Variants in DENND5A observed in about 807,000 individuals in gnomAD.
The protein encoded by DENND5A is DENN domain containing 5A.
Under a neutral mutation model 140.3 loss-of-function variants are expected in DENND5A, and 64 were observed. That is an observed-to-expected ratio of 0.46 (90% CI 0.37 to 0.56). The LOEUF is 0.56. Ranked by LOEUF, DENND5A falls within the 20% of genes least tolerant of loss-of-function variation. The pLI is 0.00. For missense variants in DENND5A, 1,292 were observed against 1,593.8 expected (o/e 0.81, Z 3.22); for synonymous variants, 605 against 607.7 (o/e 1.00, Z 0.07).
intron 19 of DENND5A, 67 bp from the exon 20 acceptor site, chr11:9,143,552 G>A (rs1451140312): frequency 1.8e-5 from 24 of 1,322,422 alleles, no homozygotes; most frequent in Non-Finnish European, 1.6e-5. Flanking sequence ...TGCCTGAGCA[G>A]GAGACTGAGG....
intron 1 of DENND5A, among the ~76,000 whole-genome samples, chr11:9,257,941 T>A (rs1852022602): frequency 6.6e-6 from 1 of 151,794 alleles, no homozygotes; most frequent in South Asian, 2.1e-4. Flanking sequence ...TATAGGTGTG[T>A]GCCACCAGGC....
At chr11:9,149,320 G>C (rs1039498641) in intron 15 of DENND5A, among the ~76,000 whole-genome samples, 1 of 152,198 alleles carries the variant, frequency 6.6e-6, no homozygotes, top group African/African-American at 2.4e-5. Context: ...GTGCAGCTAA[G>C]CATACCTTTT....
chr11:9,229,276 C>A (rs1448476488), intron 1 of DENND5A, among the ~76,000 whole-genome samples: 2 of 152,024 alleles, frequency 1.3e-5, no homozygotes, highest in Non-Finnish European at 2.9e-5. Context: ...ATCACAGAGA[C>A]CTTGGCCAAG....
intron 5 of DENND5A, among the ~76,000 whole-genome samples, chr11:9,192,632 A>C (rs1849172886): frequency 7.1e-6 from 1 of 141,088 alleles, no homozygotes; most frequent in South Asian, 2.1e-4. Context: ...CGTCTCAAAA[A>C]AAAAACAAAA....
intron 5 of DENND5A, among the ~76,000 whole-genome samples, chr11:9,191,337 C>G (rs957861816): frequency 6.6e-6 from 1 of 152,058 alleles, no homozygotes; most frequent in Non-Finnish European, 1.5e-5. Flanking sequence ...CTCCGGGCTT[C>G]AACAATTCTC....
chr11:9,174,281 T>G (rs1190267267), intron 8 of DENND5A, among the ~76,000 whole-genome samples: 1 of 151,838 alleles, frequency 6.6e-6, no homozygotes, highest in East Asian at 1.9e-4. Context: ...GTACATGGTC[T>G]GAAGACCTCA....
At chr11:9,147,332 T>C (rs1399881103) in intron 15 of DENND5A, among the ~76,000 whole-genome samples, 181 bp from the exon 16 acceptor site, 2 of 152,128 alleles carry the variant, frequency 1.3e-5, no homozygotes, top group Non-Finnish European at 2.9e-5. Context: ...GGACAACGGT[T>C]TAAGCTACAG....
At chr11:9,145,868 A>G in intron 16 of DENND5A, 53 bp from the exon 17 acceptor site, 3 of 1,577,064 alleles carry the variant, frequency 1.9e-6, no homozygotes, top group Non-Finnish European at 1.7e-6. Context: ...TCTTTCCCAT[A>G]CCAGATGGGA....
chr11:9,245,501 G>C (rs984591240), intron 1 of DENND5A: 1 of 151,768 alleles, frequency 6.6e-6, no homozygotes, highest in Admixed American at 6.6e-5. Context: ...TGAGGCAGGA[G>C]AATTGCTTGA....
chr11:9,174,779 T>A (rs1439288877), intron 8 of DENND5A, among the ~76,000 whole-genome samples: 2 of 111,192 alleles, frequency 1.8e-5, no homozygotes, highest in Non-Finnish European at 4.2e-5. Flanking sequence ...ATTACCTTGA[T>A]AGATACAGAA....
intron 5 of DENND5A, among the ~76,000 whole-genome samples, chr11:9,186,780 A>G (rs943633727): frequency 3.3e-5 from 5 of 152,170 alleles, no homozygotes; most frequent in Non-Finnish European, 7.3e-5. Context: ...AATATACCCT[A>G]GAGACTGAGT....
At chr11:9,223,212 G>A (rs1850387857) in intron 1 of DENND5A, among the ~76,000 whole-genome samples, 1 of 151,608 alleles carries the variant, frequency 6.6e-6, no homozygotes, top group South Asian at 2.1e-4. Flanking sequence ...AACATAGCAA[G>A]ACATCATCTT....
chr11:9,162,704 C>T (rs1848028743), intron 11 of DENND5A, among the ~76,000 whole-genome samples: 2 of 151,860 alleles, frequency 1.3e-5, no homozygotes, highest in Non-Finnish European at 2.9e-5. Context: ...GTTTGGTTTG[C>T]CTGTATGTAT....
chr11:9,166,821 G>A (rs2136150980), intron 10 of DENND5A, among the ~76,000 whole-genome samples: 1 of 151,666 alleles, frequency 6.6e-6, no homozygotes, highest in East Asian at 1.9e-4. Context: ...GACAGAGCGA[G>A]ACTCCATCAC....
intron 5 of DENND5A, among the ~76,000 whole-genome samples, chr11:9,189,903 G>C (rs1849057770): frequency 6.6e-6 from 1 of 152,182 alleles, no homozygotes; most frequent in Admixed American, 6.5e-5. Flanking sequence ...GCCTCCCAAA[G>C]TGCTGGGATT....
At chr11:9,241,564 C>T (rs568464039) in intron 1 of DENND5A, among the ~76,000 whole-genome samples, 1 of 152,302 alleles carries the variant, frequency 6.6e-6, no homozygotes, top group Admixed American at 6.5e-5. Flanking sequence ...AATTCTAATA[C>T]ATCAAGTATA....
intron 11 of DENND5A, among the ~76,000 whole-genome samples, chr11:9,163,887 T>C (rs1419277398): frequency 1.4e-5 from 2 of 143,880 alleles, no homozygotes; most frequent in East Asian, 2.0e-4. Flanking sequence ...TTCTTCATAG[T>C]AGAAAGGCAG....
At chr11:9,158,838 T>C (rs1044597406) in intron 12 of DENND5A, among the ~76,000 whole-genome samples, 1 of 152,204 alleles carries the variant, frequency 6.6e-6, no homozygotes, top group Non-Finnish European at 1.5e-5. Flanking sequence ...AACCACTTCA[T>C]TGAGATATAA....
intron 1 of DENND5A, among the ~76,000 whole-genome samples, chr11:9,215,723 G>A (rs1850064802): frequency 1.1e-5 from 1 of 90,556 alleles, no homozygotes; most frequent in Middle Eastern, 5.6e-3. Context: ...AATTGTTTTT[G>A]TGTTTTAGTA....
Sources: allele counts gnomAD v4.1 joint callset (sites outside exome capture counted in the v4.1 genomes callset), GRCh38; gene constraint gnomAD v4.1.1; transcripts MANE v1.5; gene names NCBI Gene and HGNC (gene_info 2026-07-23, HGNC 2026-07-21).